RAE1: variants seen among roughly 807,000 people sequenced by gnomAD.
The protein encoded by RAE1 is ribonucleic acid export 1, also known as mRNA export factor RAE1.
A neutral mutation model predicts 52.7 loss-of-function variants in RAE1; 13 were observed. The ratio of observed to expected loss-of-function variants is 0.25; its 90% CI spans 0.16 to 0.39. RAE1 has a LOEUF of 0.39. Among genes scored for constraint, RAE1 ranks in the 10% least tolerant of loss-of-function variants. RAE1 has a pLI of 1.00. For missense variants in RAE1, 262 were observed against 459.8 expected, an observed-to-expected ratio of 0.57 and a Z score of 3.93; for synonymous variants, 164 against 153.1, an observed-to-expected ratio of 1.07 and a Z score of -0.52.
At position 57,351,382 on chromosome 20, in the gene RAE1, C is replaced by G; in HGVS notation, c.-48C>G. On this transcript the variant is annotated 5_prime_UTR_variant, in exon 1 of 12. Transcript: ENST00000395841. ...AGGTTCGCAAACTCCTCAGACCCTT[C>G]TGCTCCCGGCCGCCGCTTTCCGCCG... 1.0e-6 allele frequency: 1 copy of G among 985,508 alleles called. No homozygotes were observed. Among genetic ancestry groups the G allele is most frequent in the Non-Finnish European group, 1.2e-6 (1 of 829,968 alleles). The allele number at this position is 985,508 out of a possible 1,614,324, so 61.0% of individuals were successfully genotyped here.
In RAE1 at chr20:57,353,598, C is replaced by T. The variant is rs149671049; in HGVS notation, c.-7-434C>T. 2.7e-4 allele frequency among the ~76,000 whole-genome samples: 41 copies of T among 152,326 alleles called. No individual in the cohort carries two copies. The South Asian group carries it at 2.9e-3, about 11-fold the overall frequency. On this transcript the variant is annotated intron_variant, in intron 1 of 11. Coordinates refer to ENST00000395841, the MANE Select transcript of RAE1 (RefSeq NM_003610.4). ...GTAGAAATTAGTAGGAAAGTGAATG[C>T]CCACTAGGTGGAAACCTGAAAGCAC...
intron 8 of RAE1, chr20:57,371,453 T>G (rs1365890549): frequency 2.6e-5 from 4 of 152,176 alleles, no homozygotes; most frequent in Non-Finnish European, 5.9e-5. Flanking sequence ...AGCAGGTGTA[T>G]GGAAATGTGC....
intron 4 of RAE1, chr20:57,357,467 A>G (rs1235425795): frequency 6.6e-6 from 1 of 152,212 alleles, no homozygotes; most frequent in Non-Finnish European, 1.5e-5. Flanking sequence ...ACAAGCATTG[A>G]GATATAGCAT....
intron 8 of RAE1, among the ~76,000 whole-genome samples, chr20:57,370,479 C>T (rs1568791182): frequency 6.6e-6 from 1 of 152,234 alleles, no homozygotes; most frequent in Non-Finnish European, 1.5e-5. Flanking sequence ...CACAACTGAT[C>T]TCCCATCCAC....
At position 57,362,502 on chromosome 20, in the gene RAE1, G is replaced by C. The variant is rs1230586321; in HGVS notation, c.289-2854G>C. 2.0e-5 allele frequency among the ~76,000 whole-genome samples: 3 copies of C among 152,186 alleles called. No individual in the cohort carries two copies. The East Asian group carries it at 5.8e-4, about 29-fold the overall frequency. ...TGTCTGTCTTTACTGATCGGGCAAC[G>C]GGTCAGAATTAGAAAGTTTCTTATA... On this transcript the variant is annotated intron_variant, in intron 4 of 11. Transcript: ENST00000395841.
At chr20:57,355,549 A>G (rs1182292334) in intron 3 of RAE1, among the ~76,000 whole-genome samples, 1 of 152,246 alleles carries the variant, frequency 6.6e-6, no homozygotes, top group Non-Finnish European at 1.5e-5. Flanking sequence ...TATCTCACTG[A>G]TACCCTTCTG....
In RAE1 at chr20:57,378,146, C is replaced by T; in HGVS notation, c.*47C>T. The T allele has an allele frequency of 6.8e-7, 1 of 1,466,452 alleles. No homozygotes were observed. The highest frequency in any genetic ancestry group is 2.3e-5 in the East Asian group (1 of 42,598). The allele number at this position is 1,466,452 out of a possible 1,614,324, so 90.8% of individuals were successfully genotyped here. On this transcript the variant is annotated 3_prime_UTR_variant, in exon 12 of 12. Coordinates refer to ENST00000395841, the MANE Select transcript of RAE1 (RefSeq NM_003610.4). ...CCAGAGTTGTTTCTCTCCACTCTGC[C>T]TCATCTCTGTACGAATTTGGGTCCC...
At chr20:57,370,469 C>G (rs1428759935) in intron 8 of RAE1, among the ~76,000 whole-genome samples, 1 of 152,214 alleles carries the variant, frequency 6.6e-6, no homozygotes, top group Non-Finnish European at 1.5e-5. Flanking sequence ...TCCACCCAAG[C>G]ACAACTGATC....
chr20:57,353,962 A>G, intron 1 of RAE1, 70 bp from the exon 2 acceptor site: 3 of 1,355,720 alleles, frequency 2.2e-6, no homozygotes, highest in Non-Finnish European at 3.1e-6. Context: ...CTGCCAGTTA[A>G]TTATCTTACC....
intron 1 of RAE1, among the ~76,000 whole-genome samples, chr20:57,353,772 G>A (rs533268427): frequency 3.3e-5 from 5 of 152,316 alleles, no homozygotes; most frequent in Middle Eastern, 3.4e-3. Context: ...CAAATGAACC[G>A]TACTAATATG....
chr20:57,358,831 G>A lies in RAE1; in HGVS notation c.288+2293G>A, dbSNP rs559515813. The A allele has an allele frequency of 1.2e-4, 60 of 496,106 alleles. 1 individual carries two copies. In the South Asian group the frequency reaches 2.6e-3, roughly 21 times the overall value. The allele number at this position is 496,106 out of a possible 1,614,324, so 30.7% of individuals were successfully genotyped here. The stretch of plus-strand genomic sequence containing the variant: ...TTGTGTGGTCTTAGGTTGTTAGGAG[G>A]TTGAATTATGCTCCGAGGTCACCCC... On this transcript the variant is annotated intron_variant, in intron 4 of 11. Coordinates refer to ENST00000395841, the MANE Select transcript of RAE1 (RefSeq NM_003610.4).
In RAE1 at chr20:57,374,755, A is replaced by G. The variant is rs755611256; in HGVS notation, c.974A>G (p.His325Arg). 1 of 1,614,078 alleles carries G rather than the reference A, an allele frequency of 6.2e-7. No individual in the cohort carries two copies. Among genetic ancestry groups the G allele is most frequent in the African/African-American group, 1.3e-5 (1 of 74,924 alleles). ...CCCATCTCAGCTTGCTGTTTCAATC[A>G]CAATGGAAACATATTTGCATACGCT... The part of the protein sequence containing the change: ...DQPISACCFN[H>R]NGNIFAYASS... The change falls in exon 11 of 12, where the codon CAC becomes CGC. Residue 325 changes from histidine to arginine, a missense_variant. Transcript: ENST00000395841.
At chr20:57,356,638 T>C (rs2066792202) in intron 4 of RAE1, 100 bp downstream of exon 4, 1 of 1,067,354 alleles carries the variant, frequency 9.4e-7, no homozygotes, top group African/African-American at 1.6e-5. Flanking sequence ...TGTGTTCATA[T>C]TGTAGGAATT....
At chr20:57,354,304 T>C (rs1227429388) in intron 2 of RAE1, among the ~76,000 whole-genome samples, 176 bp downstream of exon 2, 1 of 152,258 alleles carries the variant, frequency 6.6e-6, no homozygotes, top group Non-Finnish European at 1.5e-5. Flanking sequence ...ACTTGTGTCC[T>C]GTTCTTCCTG....
intron 11 of RAE1, chr20:57,375,163 T>G (rs190824371): frequency 1.6e-6 from 1 of 627,590 alleles, no homozygotes; most frequent in East Asian, 2.7e-5. Context: ...GGCTGGTGGT[T>G]TGGGCAGGGG....
chr20:57,368,877 A>G (rs1391661411), intron 8 of RAE1, 65 bp downstream of exon 8: 3 of 1,310,748 alleles, frequency 2.3e-6, no homozygotes, highest in Non-Finnish European at 3.3e-6. Flanking sequence ...TTGTGCTCAC[A>G]TCTGGAATAC....
chr20:57,359,170 G>T, intron 4 of RAE1: 2 of 519,434 alleles, frequency 3.9e-6, no homozygotes, highest in South Asian at 7.8e-5. Flanking sequence ...TGATGTTTTT[G>T]GTAAACAGGC....
At chr20:57,373,361 A>G (rs1198832953) in intron 8 of RAE1, 114 bp from the exon 9 acceptor site, 3 of 987,524 alleles carry the variant, frequency 3.0e-6, no homozygotes, top group Non-Finnish European at 4.6e-6. Context: ...TATTTGAGTG[A>G]TTTTTTCTGG....
chr20:57,361,847 C>T (rs1397806466), intron 4 of RAE1, among the ~76,000 whole-genome samples: 2 of 152,234 alleles, frequency 1.3e-5, no homozygotes, highest in Non-Finnish European at 2.9e-5. Flanking sequence ...CAGGGGTCCC[C>T]AACCCCCAGG....
Sources: allele counts gnomAD v4.1 joint callset (sites outside exome capture counted in the v4.1 genomes callset), GRCh38; gene constraint gnomAD v4.1.1; transcripts MANE v1.5; gene names NCBI Gene and HGNC (gene_info 2026-07-23, HGNC 2026-07-21).